PDE1C: variants seen among roughly 807,000 people sequenced by gnomAD.
PDE1C encodes phosphodiesterase 1C, also known as dual specificity calcium/calmodulin-dependent 3',5'-cyclic nucleotide phosphodiesterase 1C.
A neutral mutation model predicts 93.1 loss-of-function variants in PDE1C; 62 were observed. The observed-to-expected ratio is 0.67, with a 90% CI of 0.54 to 0.82. PDE1C has a LOEUF of 0.82. Among genes scored for constraint, PDE1C ranks in the 40% least tolerant of loss-of-function variants. PDE1C has a pLI of 0.00. For missense variants in PDE1C, 742 were observed against 884.6 expected (o/e 0.84, Z 2.04); for synonymous variants, 325 against 310.1 (o/e 1.05, Z -0.50).
the PDE1C span, among the ~76,000 whole-genome samples, chr7:31,724,812 T>C: frequency 2.0e-5 from 3 of 152,150 alleles, no homozygotes; most frequent in Admixed American, 1.3e-4. Context: ...TTGATAGACA[T>C]ATAAGGTGGG....
the PDE1C span, chr7:31,697,192 A>C: frequency 2.6e-6 from 4 of 1,552,690 alleles, no homozygotes; most frequent in Non-Finnish European, 3.5e-6. Flanking sequence ...GGAGGTCCCC[A>C]GGGCCTGGCC....
intron 10 of PDE1C, among the ~76,000 whole-genome samples, 190 bp from the exon 11 acceptor site, chr7:31,837,490 G>A (rs1056048917): frequency 6.6e-6 from 1 of 152,130 alleles, no homozygotes; most frequent in Admixed American, 6.5e-5. Flanking sequence ...CCATATTTAC[G>A]GAATTGGACT....
intron 1 of PDE1C, among the ~76,000 whole-genome samples, chr7:32,373,908 A>T (rs913144045): frequency 1.4e-4 from 22 of 152,176 alleles, no homozygotes; most frequent in Non-Finnish European, 3.1e-4. Flanking sequence ...AATCACTTGA[A>T]CCCAGAAGGC....
At chr7:32,294,981 T>C (rs550085485) in intron 1 of PDE1C, among the ~76,000 whole-genome samples, 2 of 152,356 alleles carry the variant, frequency 1.3e-5, no homozygotes, top group South Asian at 2.1e-4. Context: ...TAGTCTTGTT[T>C]CCAAGACCTT....
intron 2 of PDE1C, among the ~76,000 whole-genome samples, chr7:32,022,029 T>A (rs377275443): frequency 6.6e-6 from 1 of 152,106 alleles, no homozygotes; most frequent in South Asian, 2.1e-4. Context: ...CTTAAGTACA[T>A]AATTAGGTTG....
intron 7 of PDE1C, among the ~76,000 whole-genome samples, chr7:31,860,576 A>G (rs946856849): frequency 6.6e-6 from 1 of 152,112 alleles, no homozygotes; most frequent in Non-Finnish European, 1.5e-5. Context: ...TGTTTGACTG[A>G]ATTTGTGTCA....
chr7:32,093,426 G>A (rs1191549414), intron 3 of PDE1C, among the ~76,000 whole-genome samples: 1 of 152,098 alleles, frequency 6.6e-6, no homozygotes, highest in Non-Finnish European at 1.5e-5. Context: ...CTCCTGCTTT[G>A]GTCATTGTAA....
In PDE1C at chr7:32,374,193, AGAGAGG is replaced by A. The variant is rs1433924136; in HGVS notation, c.310+53623_310+53628del. Among the ~76,000 whole-genome samples, 70 of 144,214 alleles carry A rather than the reference AGAGAGG, an allele frequency of 4.9e-4. 1 individual carries two copies. The highest frequency in any genetic ancestry group is 1.3e-3 in the South Asian group (6 of 4,530). The allele number at this position is 144,214 out of a possible 152,430, so 94.6% of individuals were successfully genotyped here. The stretch of plus-strand genomic sequence containing the variant: ...AAGAAAGAAAGAAAGAAAGAAAGAA[AGAGAGG>A]GAAAGAGAGGGAAAGAAAGGGAAAG... On this transcript the variant is annotated intron_variant, in intron 1 of 1. Transcript: ENST00000672256.
intron 17 of PDE1C, among the ~76,000 whole-genome samples, chr7:31,772,647 T>C (rs548835326): frequency 6.6e-6 from 1 of 152,288 alleles, no homozygotes; most frequent in South Asian, 2.1e-4. Context: ...ATGAACTTAC[T>C]CAACCATCTT....
intron 1 of PDE1C, among the ~76,000 whole-genome samples, chr7:32,295,924 T>C (rs1490254981): frequency 6.6e-6 from 1 of 150,958 alleles, no homozygotes; most frequent in Non-Finnish European, 1.5e-5. Context: ...AAAATGTACT[T>C]ATGATATACT....
Position 31,874,088 on chromosome 7 carries a change from A to C in PDE1C, c.493-680T>G, listed in dbSNP as rs564084628. 2.6e-5 allele frequency among the ~76,000 whole-genome samples: 4 copies of C among 152,308 alleles called. No individual in the cohort carries two copies. In the East Asian group the frequency reaches 7.7e-4, roughly 29 times the overall value. On this transcript the variant is annotated intron_variant, in intron 5 of 17. Transcript: ENST00000396191. ...AAGCATTCATTTCATATGACAGAAA[A>C]ATGCTACCATTTCTGGAGTCACTAG...
intron 7 of PDE1C, among the ~76,000 whole-genome samples, chr7:31,854,223 T>C (rs1274826967): frequency 6.6e-6 from 1 of 152,122 alleles, no homozygotes; most frequent in African/African-American, 2.4e-5. Flanking sequence ...CCTCAGGTGA[T>C]ATTAGATAGC....
chr7:32,312,305 A>T (rs1201551634), intron 1 of PDE1C, among the ~76,000 whole-genome samples: 1 of 151,876 alleles, frequency 6.6e-6, no homozygotes, highest in African/African-American at 2.4e-5. Context: ...AGGAAGAATC[A>T]ATATCGTGAA....
At chr7:32,107,719 A>G (rs1231528003) in intron 3 of PDE1C, among the ~76,000 whole-genome samples, 2 of 152,200 alleles carry the variant, frequency 1.3e-5, no homozygotes, top group African/African-American at 4.8e-5. Context: ...GGAAAGGAAG[A>G]ATATTAAAGA....
chr7:32,160,099 G>A (rs1277281955), intron 3 of PDE1C, among the ~76,000 whole-genome samples: 1 of 152,126 alleles, frequency 6.6e-6, no homozygotes, highest in Admixed American at 6.5e-5. Context: ...AAGGGGCTGG[G>A]AGGGAAATAA....
At chr7:32,083,061 C>T (rs1250926454) in intron 3 of PDE1C, among the ~76,000 whole-genome samples, 1 of 151,170 alleles carries the variant, frequency 6.6e-6, no homozygotes, top group Non-Finnish European at 1.5e-5. Flanking sequence ...CTCTGAGCTA[C>T]AGGAGGAAAT....
At position 31,813,034 on chromosome 7, in the gene PDE1C, T is replaced by C. The variant is rs140522006; in HGVS notation, c.1813+2890A>G. Among the ~76,000 whole-genome samples the C allele has an allele frequency of 4.6e-5, 7 of 152,280 alleles. No homozygotes were observed. The East Asian group carries it at 1.2e-3, about 25-fold the overall frequency. ...TAGAATTGTTAGAACTTTTACATGA[T>C]TTAATGTAGATAGAATCTCAAGTAC... On this transcript the variant is annotated intron_variant, in intron 15 of 17. Coordinates refer to ENST00000396191, the MANE Select transcript of PDE1C (RefSeq NM_001191057.4).
At position 31,759,859 on chromosome 7, in the gene PDE1C, TTCTC is replaced by T. The variant is rs145067383; in HGVS notation, c.1961-6310_1961-6307del. Among the ~76,000 whole-genome samples, 655 of 150,364 alleles carry T rather than the reference TTCTC, an allele frequency of 4.4e-3. 2 individuals carry two copies. The highest frequency in any genetic ancestry group is 0.015 in the African/African-American group (623 of 41,206). On this transcript the variant is annotated intron_variant, in intron 17 of 17. Transcript: ENST00000396191. ...ACTGCCACAACCAGCCTATCTTTTG[TTCTC>T]TCTCTCTCTCTCTGTCTCTCTCTCT...
intron 1 of PDE1C, among the ~76,000 whole-genome samples, chr7:32,324,351 C>T (rs1326388345): frequency 1.3e-5 from 2 of 152,180 alleles, no homozygotes; most frequent in South Asian, 2.1e-4. Flanking sequence ...AAGCCAACCC[C>T]AGCCTTTTTC....
Sources: gnomAD v4.1 joint callset for allele counts (sites outside exome capture counted in the v4.1 genomes callset) on GRCh38, gnomAD v4.1.1 for gene constraint, MANE v1.5 for transcripts, NCBI Gene and HGNC (gene_info 2026-07-23, HGNC 2026-07-21) for gene names.